Variants in LRRC39 observed in about 807,000 individuals in gnomAD.
The protein encoded by LRRC39 is leucine rich repeat containing 39.
A neutral mutation model predicts 39.7 loss-of-function variants in LRRC39; 35 were observed. The ratio of observed to expected loss-of-function variants is 0.88; its 90% CI spans 0.67 to 1.17. LRRC39 has a LOEUF of 1.17. Among genes scored for constraint, LRRC39 ranks in the 50% most tolerant of loss-of-function variants. The pLI, the probability that LRRC39 is intolerant of heterozygous loss-of-function variation, is 0.00. For missense variants in LRRC39, 357 were observed against 385.8 expected (o/e 0.93, Z 0.62); for synonymous variants, 113 against 134.1 (o/e 0.84, Z 1.09).
At chr1:100,152,678 A>G (rs1310218762) in intron 8 of LRRC39, among the ~76,000 whole-genome samples, 154 bp from the exon 9 acceptor site, 1 of 152,188 alleles carries the variant, frequency 6.6e-6, no homozygotes, top group African/African-American at 2.4e-5. Flanking sequence ...TATCTCAAGA[A>G]TCTTATGTTT....
chr1:100,174,971 GTTCT>G (rs1375750606), intron 1 of LRRC39, among the ~76,000 whole-genome samples: 1 of 152,158 alleles, frequency 6.6e-6, no homozygotes, highest in Non-Finnish European at 1.5e-5. Flanking sequence ...GGGAGATCTG[GTTCT>G]TTAAGTTTGT....
At chr1:100,177,816 C>T (rs1327147579) in intron 1 of LRRC39, among the ~76,000 whole-genome samples, 1 of 152,168 alleles carries the variant, frequency 6.6e-6, no homozygotes, top group Non-Finnish European at 1.5e-5. Flanking sequence ...TGATATATTT[C>T]TTCCTCCAGC....
In LRRC39 at chr1:100,155,117, G is replaced by A. The variant is rs766078689; in HGVS notation, c.746C>T (p.Thr249Ile). The A allele has an allele frequency of 6.2e-7, 1 of 1,612,136 alleles. No homozygotes were observed. ...QTISNMKNLG[T>I]LVLSNNKLQD... Reference sequence around the variant, plus strand: ...CAGTTTATTGTTGCTGAGAACAAGAGTACCCAGATTTTTCATATTGCTGAT... The same window carrying A: ...CAGTTTATTGTTGCTGAGAACAAGAATACCCAGATTTTTCATATTGCTGAT... The change falls in exon 8 of 10, where the codon ACT (threonine) becomes ATT (isoleucine). Residue 249 changes from threonine to isoleucine, a missense_variant. Coordinates refer to ENST00000370137, the MANE Select transcript of LRRC39 (RefSeq NM_144620.4).
intron 7 of LRRC39, among the ~76,000 whole-genome samples, chr1:100,155,727 GGCCAGGCT>G (rs1296977151): frequency 1.3e-5 from 2 of 152,102 alleles, no homozygotes; most frequent in African/African-American, 4.8e-5. Flanking sequence ...TGAACTCTGG[GGCCAGGCT>G]GCCTAGGTTC....
At chr1:100,175,126 GA>G (rs1659870241) in intron 1 of LRRC39, among the ~76,000 whole-genome samples, 1 of 151,462 alleles carries the variant, frequency 6.6e-6, no homozygotes. Context: ...GCAGAACCGT[GA>G]GCCAGTTAAA....
rs369761208 is a variant in LRRC39, at chr1:100,151,686, C to T, written c.952+699G>A. On this transcript the variant is annotated intron_variant, in intron 9 of 9. Coordinates refer to ENST00000370137, the MANE Select transcript of LRRC39 (RefSeq NM_144620.4). ...AATAATTGTGCACTTTGTCCTCTTC[C>T]CCTGATCTTGGTTTAGCTTAAAGGC... Among the ~76,000 whole-genome samples the T allele has an allele frequency of 1.1e-4, 16 of 152,150 alleles. No homozygotes were observed. In the South Asian group the frequency reaches 1.7e-3, roughly 16 times the overall value.
intron 3 of LRRC39, among the ~76,000 whole-genome samples, chr1:100,165,201 GT>G (rs893766191): frequency 2.4e-4 from 36 of 152,268 alleles, no homozygotes; most frequent in African/African-American, 8.7e-4. Flanking sequence ...TCCATGTAAT[GT>G]TTCTAAAAGT....
intron 2 of LRRC39, among the ~76,000 whole-genome samples, chr1:100,172,926 C>T (rs1226452892): frequency 1.3e-5 from 2 of 149,362 alleles, no homozygotes; most frequent in South Asian, 2.1e-4. Flanking sequence ...TGCCACTGCA[C>T]TCCATCCTGG....
chr1:100,175,824 A>G (rs1266760613), intron 1 of LRRC39, among the ~76,000 whole-genome samples: 6 of 152,340 alleles, frequency 3.9e-5, no homozygotes, highest in African/African-American at 9.6e-5. Flanking sequence ...TAATAAAAAC[A>G]TAATAAGATA....
At position 100,168,483 on chromosome 1, in the gene LRRC39, T is replaced by C; in HGVS notation, c.34A>G (p.Asn12Asp). 1.9e-6 allele frequency: 3 copies of C among 1,612,752 alleles called. No homozygotes were observed. Among genetic ancestry groups the C allele is most frequent in the Non-Finnish European group, 2.5e-6 (3 of 1,179,588 alleles). ...TENVVCTGAV[N>D]AVKEVWEKRI... ...TTTTCCCAAACTTCCTTTACAGCAT[T>C]GACAGCCCCAGTACAAACCACATTT... The change falls in exon 3 of 10, where the codon AAT becomes GAT. Residue 12 changes from asparagine to aspartate, a missense_variant. By Grantham distance (23) the Asn-to-Asp change is conservative (BLOSUM62 1). Coordinates refer to ENST00000370137, the MANE Select transcript of LRRC39 (RefSeq NM_144620.4).
At chr1:100,170,331 A>G (rs1030861848) in intron 2 of LRRC39, among the ~76,000 whole-genome samples, 7 of 152,240 alleles carry the variant, frequency 4.6e-5, no homozygotes, top group African/African-American at 1.7e-4. Flanking sequence ...AAGTATAGAT[A>G]CATGCCACAG....
At chr1:100,175,944 T>C (rs1225033371) in intron 1 of LRRC39, among the ~76,000 whole-genome samples, 1 of 152,154 alleles carries the variant, frequency 6.6e-6, no homozygotes, top group African/African-American at 2.4e-5. Flanking sequence ...ATTGGTGAAA[T>C]TGTAAATTAG....
chr1:100,171,503 CTTT>C (rs748078318), intron 2 of LRRC39, among the ~76,000 whole-genome samples: 5 of 130,734 alleles, frequency 3.8e-5, no homozygotes, highest in Non-Finnish European at 6.6e-5. Flanking sequence ...TTTCTTTCTT[CTTT>C]TTTTTTTTTT....
At chr1:100,149,265 A>T in intron 9 of LRRC39, 168 bp from the exon 10 acceptor site, 2 of 1,516,362 alleles carry the variant, frequency 1.3e-6, no homozygotes, top group Non-Finnish European at 1.8e-6. Flanking sequence ...ATATGTGGAC[A>T]TTTTTCCCTA....
At chr1:100,177,327 T>C (rs1411660148) in intron 1 of LRRC39, among the ~76,000 whole-genome samples, 1 of 152,198 alleles carries the variant, frequency 6.6e-6, no homozygotes, top group Non-Finnish European at 1.5e-5. Context: ...TTCTAAATTA[T>C]TGATTTTTTA....
At chr1:100,153,154 G>T (rs1038687399) in intron 8 of LRRC39, among the ~76,000 whole-genome samples, 3 of 152,140 alleles carry the variant, frequency 2.0e-5, no homozygotes, top group Non-Finnish European at 4.4e-5. Flanking sequence ...TTATCATTGT[G>T]TCTTCACCAC....
chr1:100,152,471 C>A lies in LRRC39; in HGVS notation c.866G>T (p.Ser289Ile). ...PLKLKVSLPP[S>I]EGTDEEEERE... ...TTCCTCTTCTTCATCTGTGCCTTCA[C>A]TGGGAGGAAGTGATACTTTCAATTT... Residue 289 changes from serine to isoleucine, a missense_variant, in exon 9 of 10, where the codon AGT becomes ATT. Physicochemically the swap from Ser to Ile is moderately radical, Grantham distance 142. Coordinates refer to ENST00000370137, the MANE Select transcript of LRRC39 (RefSeq NM_144620.4). 6.2e-7 allele frequency: 1 copy of A among 1,614,046 alleles called. No homozygotes were observed. Among genetic ancestry groups the A allele is most frequent in the South Asian group, 1.1e-5 (1 of 91,080 alleles).
In LRRC39 at chr1:100,163,334, A is replaced by T. The variant is rs562858122; in HGVS notation, c.114-2763T>A. ...TATAGCCAAGTACTAGACATTGGAG[A>T]TACAAAAAGCTCTGTTGTTACTGAG... On this transcript the variant is annotated intron_variant, in intron 3 of 9. Coordinates refer to ENST00000370137, the MANE Select transcript of LRRC39 (RefSeq NM_144620.4). 3.9e-5 allele frequency among the ~76,000 whole-genome samples: 6 copies of T among 152,296 alleles called. No homozygotes were observed. The East Asian group carries it at 5.8e-4, about 15-fold the overall frequency.
intron 3 of LRRC39, among the ~76,000 whole-genome samples, chr1:100,164,472 A>G (rs900976838): frequency 1.3e-4 from 20 of 152,214 alleles, no homozygotes; most frequent in African/African-American, 4.8e-4. Flanking sequence ...GCTATTTTAA[A>G]TAAGATCCCT....
Sources: allele counts gnomAD v4.1 joint callset (sites outside exome capture counted in the v4.1 genomes callset), GRCh38; gene constraint gnomAD v4.1.1; transcripts MANE v1.5; gene names NCBI Gene and HGNC (gene_info 2026-07-23, HGNC 2026-07-21).